The following NELL1 variants were observed in gnomAD, a reference collection of about 807,000 sequenced individuals.
The protein encoded by NELL1 is neural EGFL like 1.
In NELL1, 76 loss-of-function variants were observed where a neutral mutation model predicts 107.4. That is an observed-to-expected ratio of 0.71 (90% CI 0.59 to 0.86). The LOEUF is 0.86. Ranked by LOEUF, NELL1 falls within the 40% of genes least tolerant of loss-of-function variation. NELL1 has a pLI of 0.00. For missense variants in NELL1, 1,024 were observed against 1,005.5 expected (o/e 1.02, Z -0.25); for synonymous variants, 353 against 341.2 (o/e 1.03, Z -0.38).
rs372138803 is a variant in NELL1 at position 21,450,983 on chromosome 11, G to C, written c.1645+80035G>C. Among the ~76,000 whole-genome samples the C allele has an allele frequency of 2.6e-5, 4 of 151,914 alleles. No homozygotes were observed. The East Asian group carries it at 7.7e-4, about 29-fold the overall frequency. The stretch of plus-strand genomic sequence containing the variant: ...AGGCGGGCGGATCATGAGGTCAGGA[G>C]ATGGAGACCATCCTGGCTAACACGG... On this transcript the variant is annotated intron_variant, in intron 15 of 19. Coordinates refer to ENST00000357134, the MANE Select transcript of NELL1 (RefSeq NM_006157.5).
At position 21,385,763 on chromosome 11, in the gene NELL1, C is replaced by T. The variant is rs564826987; in HGVS notation, c.1645+14815C>T. 2.6e-5 allele frequency among the ~76,000 whole-genome samples: 4 copies of T among 152,012 alleles called. No homozygotes were observed. In the East Asian group the frequency reaches 5.8e-4, roughly 22 times the overall value. On this transcript the variant is annotated intron_variant, in intron 15 of 19. Transcript: ENST00000357134. The stretch of plus-strand genomic sequence containing the variant: ...ATAAACACCAACCTTCTTACAGTAG[C>T]ATCAATGACTCGCTCCGAGTAGCTT...
chr11:20,831,364 G>T (rs562889369), intron 3 of NELL1, among the ~76,000 whole-genome samples: 1 of 152,098 alleles, frequency 6.6e-6, no homozygotes, highest in Non-Finnish European at 1.5e-5. Flanking sequence ...GCACCTTCAC[G>T]TTCGAGGAAC....
intron 15 of NELL1, among the ~76,000 whole-genome samples, chr11:21,425,591 C>A (rs1251971993): frequency 6.6e-6 from 1 of 152,118 alleles, no homozygotes; most frequent in Non-Finnish European, 1.5e-5. Flanking sequence ...CCAAGGAATG[C>A]AGGCAGGCTT....
intron 12 of NELL1, among the ~76,000 whole-genome samples, chr11:21,035,615 T>C (rs901786100): frequency 2.6e-5 from 4 of 152,034 alleles, no homozygotes; most frequent in African/African-American, 9.7e-5. Flanking sequence ...ATCACATAAA[T>C]AGAACCAAAG....
At chr11:21,498,991 C>G (rs947805390) in intron 15 of NELL1, among the ~76,000 whole-genome samples, 5 of 151,910 alleles carry the variant, frequency 3.3e-5, no homozygotes, top group Non-Finnish European at 7.4e-5. Context: ...TAACATTTTT[C>G]CTGTAGAATT....
rs538238470 is a variant in NELL1, at chr11:21,337,228, A to C, written c.1550-33625A>C. On this transcript the variant is annotated intron_variant, in intron 14 of 19. Coordinates refer to ENST00000357134, the MANE Select transcript of NELL1 (RefSeq NM_006157.5). ...GTCTATATAATTTACTATCATAATA[A>C]ACTGGGTTCTTTTTGTTTTTTCTTC... Among the ~76,000 whole-genome samples the C allele has an allele frequency of 2.0e-5, 3 of 152,230 alleles. No individual in the cohort carries two copies. In the South Asian group the frequency reaches 6.2e-4, roughly 32 times the overall value.
At chr11:21,229,504 C>T in intron 14 of NELL1, 50 bp downstream of exon 14, 1 of 1,609,986 alleles carries the variant, frequency 6.2e-7, no homozygotes, top group Non-Finnish European at 8.5e-7. Flanking sequence ...TCTGCCTGGG[C>T]TCTTGGCACT....
At chr11:21,127,851 G>T (rs1855521602) in intron 13 of NELL1, among the ~76,000 whole-genome samples, 1 of 151,922 alleles carries the variant, frequency 6.6e-6, no homozygotes, top group Non-Finnish European at 1.5e-5. Flanking sequence ...ACTTGTTTAT[G>T]GTTAAAAATA....
chr11:20,707,718 C>T (rs1170182208), intron 2 of NELL1, among the ~76,000 whole-genome samples: 2 of 152,156 alleles, frequency 1.3e-5, no homozygotes, highest in African/African-American at 2.4e-5. Flanking sequence ...GCTGTCTGAT[C>T]CTTCCTCTGG....
chr11:20,989,835 AT>A (rs1309215456), intron 12 of NELL1, among the ~76,000 whole-genome samples: 5 of 152,054 alleles, frequency 3.3e-5, no homozygotes, highest in Non-Finnish European at 7.4e-5. Context: ...TACTAAAAAT[AT>A]TTAAAAGAAA....
chr11:21,552,042 A>T (rs1048650582), intron 16 of NELL1, among the ~76,000 whole-genome samples: 1 of 147,174 alleles, frequency 6.8e-6, no homozygotes, highest in African/African-American at 2.5e-5. Flanking sequence ...CAAGAACAAA[A>T]AACCAAACAC....
At chr11:21,420,652 C>T (rs1241286645) in intron 15 of NELL1, among the ~76,000 whole-genome samples, 5 of 152,036 alleles carry the variant, frequency 3.3e-5, no homozygotes, top group Non-Finnish European at 5.9e-5. Context: ...CTCCCAGGTC[C>T]CCTTTCAGAC....
chr11:21,313,757 C>T (rs187900719), intron 14 of NELL1, among the ~76,000 whole-genome samples: 2 of 152,242 alleles, frequency 1.3e-5, no homozygotes, highest in African/African-American at 4.8e-5. Flanking sequence ...CTTTATAAGA[C>T]TCACTCCTGT....
chr11:21,022,272 C>T (rs1440786991), intron 12 of NELL1, among the ~76,000 whole-genome samples: 1 of 152,078 alleles, frequency 6.6e-6, no homozygotes, highest in East Asian at 1.9e-4. Flanking sequence ...TTTGCTCAGG[C>T]AACTCCTGTT....
intron 9 of NELL1, among the ~76,000 whole-genome samples, chr11:20,936,727 G>A (rs1850733790): frequency 6.6e-6 from 1 of 152,196 alleles, no homozygotes; most frequent in African/African-American, 2.4e-5. Flanking sequence ...TTAGCATGTT[G>A]CCTGCCCTTT....
intron 13 of NELL1, among the ~76,000 whole-genome samples, chr11:21,208,256 A>G (rs1194254596): frequency 6.6e-6 from 1 of 151,992 alleles, no homozygotes; most frequent in East Asian, 1.9e-4. Context: ...TTTAGTAATA[A>G]AAGATACGTA....
chr11:20,688,780 A>G (rs1249852315), intron 2 of NELL1, among the ~76,000 whole-genome samples: 1 of 152,108 alleles, frequency 6.6e-6, no homozygotes, highest in East Asian at 1.9e-4. Flanking sequence ...TTGTGAGTCA[A>G]TGGTGGTTCT....
intron 12 of NELL1, among the ~76,000 whole-genome samples, chr11:21,054,788 G>C (rs1229138181): frequency 6.6e-6 from 1 of 151,772 alleles, no homozygotes; most frequent in Non-Finnish European, 1.5e-5. Context: ...ATTCATCTTA[G>C]TCTTTTTTAT....
At chr11:21,442,244 G>A (rs1391257782) in intron 15 of NELL1, among the ~76,000 whole-genome samples, 2 of 152,106 alleles carry the variant, frequency 1.3e-5, no homozygotes, top group Non-Finnish European at 2.9e-5. Flanking sequence ...AGCAACCTCA[G>A]TTGCCTAAGA....
Sources: allele counts gnomAD v4.1 joint callset (sites outside exome capture counted in the v4.1 genomes callset), GRCh38; gene constraint gnomAD v4.1.1; transcripts MANE v1.5; gene names NCBI Gene and HGNC (gene_info 2026-07-23, HGNC 2026-07-21).